The following TTC28 variants were observed in gnomAD, a reference collection of about 807,000 sequenced individuals.
TTC28 encodes tetratricopeptide repeat domain 28.
TTC28 carries 61 observed loss-of-function variants against 198.0 expected under a neutral mutation model. The observed-to-expected ratio is 0.31, with a 90% CI of 0.25 to 0.38. The LOEUF is 0.38. Ranked by LOEUF, TTC28 falls within the 10% of genes least tolerant of loss-of-function variation. The pLI, the probability that TTC28 is intolerant of heterozygous loss-of-function variation, is 1.00. For missense variants in TTC28, 2,678 were observed against 3,164.0 expected (o/e 0.85, Z 3.69); for synonymous variants, 1,171 against 1,297.8 (o/e 0.90, Z 2.10).
intron 2 of TTC28, among the ~76,000 whole-genome samples, chr22:28,413,453 A>T (rs1393515130): frequency 1.3e-5 from 2 of 152,130 alleles, no homozygotes; most frequent in East Asian, 3.9e-4. Flanking sequence ...CGTCTGATGT[A>T]CTATCAAAAA....
At chr22:28,303,818 T>G (rs1209331189) in intron 3 of TTC28, 2 of 143,186 alleles carry the variant, frequency 1.4e-5, no homozygotes, top group East Asian at 4.1e-4. Context: ...TTTATCCTTC[T>G]CCACTCTCAC....
At chr22:28,278,245 C>T (rs1410922645) in intron 5 of TTC28, among the ~76,000 whole-genome samples, 1 of 152,100 alleles carries the variant, frequency 6.6e-6, no homozygotes. Flanking sequence ...AATACCTGCT[C>T]TGGGTTTTTA....
At chr22:28,456,107 C>T (rs1449580530) in intron 2 of TTC28, among the ~76,000 whole-genome samples, 7 of 149,232 alleles carry the variant, frequency 4.7e-5, no homozygotes, top group South Asian at 2.1e-4. Context: ...TGCAGTGAGC[C>T]GAGATTGCAC....
intron 5 of TTC28, among the ~76,000 whole-genome samples, chr22:28,293,624 T>C (rs147157723): frequency 0.012 from 1,788 of 151,886 alleles, 27 homozygotes; most frequent in East Asian, 0.057. Flanking sequence ...TATGAAATGT[T>C]CCCCCCCTCC....
chr22:28,511,834 A>G (rs1359683837), intron 2 of TTC28, among the ~76,000 whole-genome samples: 3 of 152,008 alleles, frequency 2.0e-5, no homozygotes, highest in Non-Finnish European at 4.4e-5. Context: ...AAGAAAAAAA[A>G]AAAACACCAA....
Position 28,635,366 on chromosome 22 carries a change from G to C in TTC28, c.103-5536C>G, listed in dbSNP as rs78006893. Among the ~76,000 whole-genome samples the C allele has an allele frequency of 8.1e-3, 1,235 of 152,002 alleles. 21 individuals carry two copies. The highest frequency in any genetic ancestry group is 0.028 in the African/African-American group (1,176 of 41,478). On this transcript the variant is annotated intron_variant, in intron 1 of 22. Coordinates refer to ENST00000397906, the MANE Select transcript of TTC28 (RefSeq NM_001145418.2). ...AACAAAACAGAATAGTACTCCTTAA[G>C]GAGATAATGAAAAATAAAATGTTTA...
At chr22:28,509,563 G>A (rs1169089668) in intron 2 of TTC28, among the ~76,000 whole-genome samples, 2 of 152,260 alleles carry the variant, frequency 1.3e-5, no homozygotes, top group East Asian at 3.9e-4. Flanking sequence ...AGTATTACAT[G>A]CCCAAATCAA....
intron 6 of TTC28, among the ~76,000 whole-genome samples, chr22:28,156,802 C>A (rs1407371380): frequency 6.6e-6 from 1 of 152,104 alleles, no homozygotes; most frequent in Admixed American, 6.6e-5. Flanking sequence ...CTACGGGATG[C>A]AGCAAAAGCA....
chr22:28,588,320 G>A (rs2089953479), intron 2 of TTC28, among the ~76,000 whole-genome samples: 1 of 152,110 alleles, frequency 6.6e-6, no homozygotes, highest in Non-Finnish European at 1.5e-5. Context: ...TAGGAACAAA[G>A]CTTAAAATTT....
At chr22:28,401,208 T>G (rs543877886) in intron 2 of TTC28, among the ~76,000 whole-genome samples, 7 of 140,828 alleles carry the variant, frequency 5.0e-5, no homozygotes, top group African/African-American at 1.4e-4. Flanking sequence ...AGGAGGAGGA[T>G]GACGATGACG....
At chr22:28,136,838 A>G (rs1244242649) in intron 6 of TTC28, among the ~76,000 whole-genome samples, 1 of 152,202 alleles carries the variant, frequency 6.6e-6, no homozygotes, top group Non-Finnish European at 1.5e-5. Flanking sequence ...AACTGCACAC[A>G]TGCTTTCCAT....
intron 2 of TTC28, among the ~76,000 whole-genome samples, chr22:28,345,810 A>C (rs1055435790): frequency 9.9e-5 from 15 of 152,226 alleles, no homozygotes; most frequent in African/African-American, 3.6e-4. Flanking sequence ...GTAACGTAGT[A>C]CAACCTCTTC....
chr22:28,139,583 A>T (rs1281628912), intron 6 of TTC28, among the ~76,000 whole-genome samples: 1 of 152,198 alleles, frequency 6.6e-6, no homozygotes, highest in Non-Finnish European at 1.5e-5. Context: ...TGATACCAGG[A>T]AGGAAAATAC....
In TTC28 at chr22:27,981,921, A is replaced by G; in HGVS notation, c.*300T>C. On this transcript the variant is annotated 3_prime_UTR_variant, in exon 23 of 23. Transcript: ENST00000397906. Reference sequence around the variant, plus strand: ...ATTTTTGTACAAAATCCTGGTGAAGAATCATATCAAAGATGAGAAGCAGGG... The same window carrying G: ...ATTTTTGTACAAAATCCTGGTGAAGGATCATATCAAAGATGAGAAGCAGGG... The G allele has an allele frequency of 3.1e-6, 1 of 319,686 alleles. No homozygotes were observed. The highest frequency in any genetic ancestry group is 4.5e-5 in the Admixed American group (1 of 22,124). The allele number at this position is 319,686 out of a possible 1,614,324, so 19.8% of individuals were successfully genotyped here. A position where few individuals can be genotyped will look rare whatever the true frequency, so the allele number is the denominator to read the frequency against.
intron 6 of TTC28, among the ~76,000 whole-genome samples, chr22:28,137,339 T>C (rs565444234): frequency 1.3e-5 from 2 of 152,266 alleles, no homozygotes; most frequent in East Asian, 3.9e-4. Context: ...AATTCATGCA[T>C]CCACAACTGT....
At chr22:28,041,122 A>G (rs1017427571) in intron 12 of TTC28, among the ~76,000 whole-genome samples, 17 of 152,240 alleles carry the variant, frequency 1.1e-4, no homozygotes, top group Non-Finnish European at 2.1e-4. Context: ...GCTCATGGAT[A>G]GGAAGAATCA....
At chr22:28,626,983 A>C (rs746057644) in intron 2 of TTC28, among the ~76,000 whole-genome samples, 1 of 152,140 alleles carries the variant, frequency 6.6e-6, no homozygotes, top group Non-Finnish European at 1.5e-5. Flanking sequence ...GAAAAAGATA[A>C]AAGTTTAAAG....
At chr22:28,071,550 T>G (rs1311946942) in intron 12 of TTC28, among the ~76,000 whole-genome samples, 4 of 129,090 alleles carry the variant, frequency 3.1e-5, no homozygotes, top group Non-Finnish European at 3.2e-5. Context: ...CATGGACACA[T>G]GAAGGGGAAT....
At chr22:28,513,038 G>C (rs1601492144) in intron 2 of TTC28, among the ~76,000 whole-genome samples, 1 of 133,798 alleles carries the variant, frequency 7.5e-6, no homozygotes, top group Non-Finnish European at 1.5e-5. Flanking sequence ...GGAGTACAAT[G>C]GTGTAAACGT....
Sources: allele counts gnomAD v4.1 joint callset (sites outside exome capture counted in the v4.1 genomes callset), GRCh38; gene constraint gnomAD v4.1.1; transcripts MANE v1.5; gene names NCBI Gene and HGNC (gene_info 2026-07-23, HGNC 2026-07-21).